The following COL14A1 variants were observed in gnomAD, a reference collection of about 807,000 sequenced individuals.
COL14A1 encodes collagen alpha-1(XIV) chain.
COL14A1 carries 136 observed loss-of-function variants against 230.3 expected under a neutral mutation model. The observed-to-expected ratio is 0.59, with a 90% CI of 0.51 to 0.68. COL14A1 has a LOEUF of 0.68. COL14A1 is among the 30% of genes least tolerant of loss of function. The pLI is 0.00. For missense variants in COL14A1, 1,976 were observed against 2,215.8 expected (o/e 0.89, Z 2.17); for synonymous variants, 792 against 784.1 (o/e 1.01, Z -0.17).
At chr8:120,265,657 G>GTGTA (rs1222532963) in intron 24 of COL14A1, among the ~76,000 whole-genome samples, 1 of 151,600 alleles carries the variant, frequency 6.6e-6, no homozygotes, top group Non-Finnish European at 1.5e-5. Context: ...GTGTGTGTGT[G>GTGTA]TATGTGTGCG....
At chr8:120,179,131 T>C (rs1263440777) in intron 5 of COL14A1, among the ~76,000 whole-genome samples, 1 of 152,230 alleles carries the variant, frequency 6.6e-6, no homozygotes, top group Non-Finnish European at 1.5e-5. Flanking sequence ...TTTGGTGTTT[T>C]AGTCATGAAG....
At chr8:120,130,716 CT>C (rs964826986) in intron 1 of COL14A1, among the ~76,000 whole-genome samples, 2 of 151,918 alleles carry the variant, frequency 1.3e-5, no homozygotes, top group Non-Finnish European at 2.9e-5. Flanking sequence ...GAAATGGATT[CT>C]TTTTTTTCCA....
rs895014095 is a variant in COL14A1, at chr8:120,218,704, G to A, written c.1737+2214G>A. Among the ~76,000 whole-genome samples, 3 of 152,176 alleles carry A rather than the reference G, an allele frequency of 2.0e-5. No homozygotes were observed. In the East Asian group the frequency reaches 5.8e-4, roughly 29 times the overall value. The stretch of plus-strand genomic sequence containing the variant: ...AGACAACAAACAAGACTAATGATAA[G>A]TGACAACGGACAGTGAGTTTCAATG... On this transcript the variant is annotated intron_variant, in intron 14 of 47. Coordinates refer to ENST00000297848, the MANE Select transcript of COL14A1 (RefSeq NM_021110.4).
At chr8:120,191,603 G>T (rs200998733) in intron 5 of COL14A1, among the ~76,000 whole-genome samples, 2 of 151,240 alleles carry the variant, frequency 1.3e-5, no homozygotes, top group Admixed American at 1.3e-4. Flanking sequence ...GTATCCTTGT[G>T]AACTTTCTGT....
Position 120,224,023 on chromosome 8 carries a change from C to CTTTT in COL14A1, c.1738-1047_1738-1044dup, listed in dbSNP as rs962510256. On this transcript the variant is annotated intron_variant, in intron 14 of 47. Coordinates refer to ENST00000297848, the MANE Select transcript of COL14A1 (RefSeq NM_021110.4). ...GCCTTCTAGACCCTGCCCTCATCTC[C>CTTTT]TTTTTTTTTTTTTTTTTTTTTGAGA... 2.3e-4 allele frequency among the ~76,000 whole-genome samples: 18 copies of CTTTT among 78,282 alleles called. 3 individuals carry two copies. The highest frequency in any genetic ancestry group is 4.1e-4 in the Admixed American group (2 of 4,822). 51.4% of individuals were successfully genotyped at this position (78,282 alleles called of 152,430 possible).
At position 120,301,693 on chromosome 8, in the gene COL14A1, G is replaced by A. The variant is rs188265099; in HGVS notation, c.4401+875G>A. The stretch of plus-strand genomic sequence containing the variant: ...TGTGTATATGTCTTTATGATAGAAG[G>A]GTTTATATTCCTTTGGGTATATACG... On this transcript the variant is annotated intron_variant, in intron 36 of 47. Transcript: ENST00000297848. Among the ~76,000 whole-genome samples the A allele has an allele frequency of 1.7e-3, 266 of 152,206 alleles. 2 individuals are homozygous for A. The highest frequency in any genetic ancestry group is 6.2e-3 in the African/African-American group (256 of 41,538).
intron 24 of COL14A1, among the ~76,000 whole-genome samples, chr8:120,266,476 A>C (rs144654302): frequency 6.6e-6 from 1 of 152,174 alleles, no homozygotes; most frequent in East Asian, 1.9e-4. Context: ...ATGGAAATGA[A>C]GTTTATTGTG....
intron 45 of COL14A1, among the ~76,000 whole-genome samples, chr8:120,345,873 C>G (rs1249898267): frequency 6.6e-6 from 1 of 152,142 alleles, no homozygotes; most frequent in African/African-American, 2.4e-5. Context: ...AAAAAGGGTG[C>G]CCCTTCCAGG....
At chr8:120,180,777 T>C (rs115706688) in intron 5 of COL14A1, among the ~76,000 whole-genome samples, 2,205 of 147,288 alleles carry the variant, frequency 0.015, 51 homozygotes, top group African/African-American at 0.051. Flanking sequence ...GCACAATATC[T>C]GCTCACTGCA....
At chr8:120,321,390 C>T (rs1821436060) in intron 40 of COL14A1, among the ~76,000 whole-genome samples, 1 of 152,052 alleles carries the variant, frequency 6.6e-6, no homozygotes, top group Non-Finnish European at 1.5e-5. Flanking sequence ...CCTATAATCC[C>T]AGCACTTTGG....
chr8:120,143,500 A>C (rs1418246983), intron 1 of COL14A1, among the ~76,000 whole-genome samples: 1 of 152,094 alleles, frequency 6.6e-6, no homozygotes, highest in Non-Finnish European at 1.5e-5. Context: ...GGCGTGGTGC[A>C]CATGCCTGTA....
intron 47 of COL14A1, chr8:120,370,225 G>C: frequency 1.7e-6 from 2 of 1,163,894 alleles, no homozygotes; most frequent in Non-Finnish European, 2.5e-6. Context: ...TGCTTCAGTA[G>C]AAATTTAACC....
chr8:120,370,386 T>C lies in COL14A1; in HGVS notation c.5312-766T>C, dbSNP rs1270542843. 6 of 1,611,112 alleles carry C rather than the reference T, an allele frequency of 3.7e-6. No homozygotes were observed. In the East Asian group the frequency reaches 1.1e-4, roughly 30 times the overall value. On this transcript the variant is annotated intron_variant, in intron 47 of 47. Transcript: ENST00000297848. ...GCACTGAAGTGGAAATCCTCCACTCTGGTTCCATTGGCCCCAGACATTTAG... is the reference window on the plus strand; with the variant it reads ...GCACTGAAGTGGAAATCCTCCACTCCGGTTCCATTGGCCCCAGACATTTAG...
At chr8:120,368,836 GGCTATTCTAACT>G (rs1823493602) in intron 46 of COL14A1, among the ~76,000 whole-genome samples, 1 of 152,002 alleles carries the variant, frequency 6.6e-6, no homozygotes, top group African/African-American at 2.4e-5. Context: ...TGAATTACAT[GGCTATTCTAACT>G]GTTGATGAGG....
At chr8:120,320,923 G>A (rs1257123742) in intron 40 of COL14A1, among the ~76,000 whole-genome samples, 1 of 152,164 alleles carries the variant, frequency 6.6e-6, no homozygotes, top group Non-Finnish European at 1.5e-5. Flanking sequence ...GCTAGTCATT[G>A]TTATCCCCAT....
chr8:120,158,100 G>A (rs769240742), intron 2 of COL14A1, 30 bp from the exon 3 acceptor site: 9 of 1,201,922 alleles, frequency 7.5e-6, no homozygotes, highest in South Asian at 5.3e-5. Context: ...ATGTTACAAT[G>A]TTTACATCAT....
intron 23 of COL14A1, 80 bp from the exon 24 acceptor site, chr8:120,262,788 A>G (rs1819379929): frequency 7.1e-7 from 1 of 1,413,150 alleles, no homozygotes; most frequent in Non-Finnish European, 9.6e-7. Flanking sequence ...GAAGTATTTT[A>G]GAAGCAAATC....
intron 5 of COL14A1, among the ~76,000 whole-genome samples, chr8:120,193,535 A>T (rs1204529365): frequency 6.6e-6 from 1 of 152,226 alleles, no homozygotes; most frequent in Non-Finnish European, 1.5e-5. Context: ...GCTCGTTCTC[A>T]GATCTCCAGC....
chr8:120,360,202 G>C (rs1351061032), intron 45 of COL14A1, among the ~76,000 whole-genome samples: 6 of 152,184 alleles, frequency 3.9e-5, no homozygotes, highest in Admixed American at 6.5e-5. Flanking sequence ...ACTCCAGGCT[G>C]CCTTAACCAA....
Sources: allele counts gnomAD v4.1 joint callset (sites outside exome capture counted in the v4.1 genomes callset), GRCh38; gene constraint gnomAD v4.1.1; transcripts MANE v1.5; gene names NCBI Gene and HGNC (gene_info 2026-07-23, HGNC 2026-07-21).